NELFB: variants seen among roughly 807,000 people sequenced by gnomAD.
The protein encoded by NELFB is negative elongation factor complex member B, also known as negative elongation factor B.
NELFB carries 34 observed loss-of-function variants against 60.2 expected under a neutral mutation model. The ratio of observed to expected loss-of-function variants is 0.56; its 90% CI spans 0.43 to 0.75. NELFB has a LOEUF of 0.75. NELFB is among the 30% of genes least tolerant of loss of function. NELFB has a pLI of 0.00. For missense variants in NELFB, 770 were observed against 831.6 expected, an observed-to-expected ratio of 0.93 and a Z score of 0.91; for synonymous variants, 459 against 382.1, an observed-to-expected ratio of 1.20 and a Z score of -2.35.
chr9:137,262,028 G>T (rs1830454283), intron 4 of NELFB, among the ~76,000 whole-genome samples: 1 of 152,130 alleles, frequency 6.6e-6, no homozygotes, highest in South Asian at 2.1e-4. Flanking sequence ...CGTTATTTCT[G>T]CGTATCAGAG....
intron 6 of NELFB, 28 bp from the exon 7 acceptor site, chr9:137,265,849 C>T (rs1393138747): frequency 1.3e-6 from 2 of 1,494,228 alleles, no homozygotes; most frequent in African/African-American, 1.4e-5. Flanking sequence ...ACAGGCGTCG[C>T]ATTAATGCCA....
intron 4 of NELFB, among the ~76,000 whole-genome samples, chr9:137,259,338 C>T (rs1001123383): frequency 4.6e-5 from 7 of 152,248 alleles, no homozygotes; most frequent in Non-Finnish European, 5.9e-5. Context: ...GGGTTCCCTT[C>T]GGGCCGTGGT....
rs1256346615 is a variant in NELFB, at chr9:137,255,410, C to T, written c.45C>T (p.Pro15=). Reference sequence around the variant, plus strand: ...CCGGGGAGCGGGGCTCGGGCGGTCCCCGAGGCCCGGCGGAGCGGGCTTCTG... The same window carrying T: ...CCGGGGAGCGGGGCTCGGGCGGTCCTCGAGGCCCGGCGGAGCGGGCTTCTG... The change falls in exon 1 of 13, where the codon CCC becomes CCT. Residue 15 remains proline, a synonymous_variant. Coordinates refer to ENST00000343053, the MANE Select transcript of NELFB (RefSeq NM_015456.5). 1.1e-5 allele frequency: 12 copies of T among 1,072,822 alleles called. No homozygotes were observed. Among genetic ancestry groups the T allele is most frequent in the South Asian group, 2.5e-5 (1 of 40,450 alleles). 66.5% of individuals were successfully genotyped at this position (1,072,822 alleles called of 1,614,324 possible).
In NELFB at chr9:137,257,088, CT is replaced by C. The variant is rs765823017; in HGVS notation, c.741+35del. The C allele has an allele frequency of 1.9e-6, 3 of 1,579,654 alleles. No homozygotes were observed. In the South Asian group the frequency reaches 3.3e-5, roughly 18 times the overall value. On this transcript the variant is annotated intron_variant, in intron 4 of 12. Coordinates refer to ENST00000343053, the MANE Select transcript of NELFB (RefSeq NM_015456.5). ...ACAGGCCGTGTGCGGGGTGGGGCAC[CT>C]CTTGGGGATGCCACGGCTAGCGCCT...
In NELFB at chr9:137,256,806, G is replaced by T; in HGVS notation, c.511-18G>T. 1.2e-6 allele frequency: 2 copies of T among 1,611,600 alleles called. No homozygotes were observed. Among genetic ancestry groups the T allele is most frequent in the Non-Finnish European group, 1.7e-6 (2 of 1,178,106 alleles). On this transcript the variant is annotated intron_variant, in intron 3 of 12. Coordinates refer to ENST00000343053, the MANE Select transcript of NELFB (RefSeq NM_015456.5). ...GGGACACAGGTGCCACTCACAGGCA[G>T]CCTGTGGTGTCATGTAGGTTCCGGA... is the stretch of plus-strand genomic sequence containing the variant.
At position 137,260,365 on chromosome 9, in the gene NELFB, T is replaced by G. The variant is rs549232537; in HGVS notation, c.742-2672T>G. ...GAGACCGGCTATTTTATTTTATTAT[T>G]TTTTTTAATTTTTAAAATTTATTTT... On this transcript the variant is annotated intron_variant, in intron 4 of 12. Coordinates refer to ENST00000343053, the MANE Select transcript of NELFB (RefSeq NM_015456.5). 2.3e-3 allele frequency among the ~76,000 whole-genome samples: 345 copies of G among 150,644 alleles called. 2 individuals carry two copies. Among genetic ancestry groups the G allele is most frequent in the African/African-American group, 7.8e-3 (324 of 41,466 alleles).
At chr9:137,261,333 C>T (rs1413811051) in intron 4 of NELFB, among the ~76,000 whole-genome samples, 13 of 112,738 alleles carry the variant, frequency 1.2e-4, no homozygotes, top group East Asian at 4.9e-4. Flanking sequence ...GAGCACGACT[C>T]GGTTTCAAAA....
chr9:137,256,245 G>A, intron 2 of NELFB, 84 bp from the exon 3 acceptor site: 2 of 1,431,994 alleles, frequency 1.4e-6, no homozygotes, highest in Non-Finnish European at 2.0e-6. Context: ...GCTTGTCCTG[G>A]TAGCTGTTAT....
chr9:137,270,460 C>T (rs1438294761), intron 10 of NELFB, among the ~76,000 whole-genome samples: 1 of 149,134 alleles, frequency 6.7e-6, no homozygotes, highest in East Asian at 2.0e-4. Flanking sequence ...GTGTGTGACG[C>T]ATGCCTGTAG....
rs756900212 is a variant in NELFB, at chr9:137,265,959, G to A, written c.1123G>A (p.Gly375Ser). ...AGTCAGGCACCTGCAGGAGCTGGTC[G>A]GCCAGGAGACACTGCCCAGGGTGAG... is the stretch of plus-strand genomic sequence containing the variant. The change falls in exon 7 of 13, where the codon GGC becomes AGC. Residue 375 changes from glycine (G) to serine (S), a missense_variant. Gly to Ser is a moderately conservative substitution (Grantham distance 56). Coordinates refer to ENST00000343053, the MANE Select transcript of NELFB (RefSeq NM_015456.5). 111 of 1,612,584 alleles carry A rather than the reference G, an allele frequency of 6.9e-5. No homozygotes were observed. Among genetic ancestry groups the A allele is most frequent in the Middle Eastern group, 3.4e-4 (2 of 5,964 alleles).
Position 137,255,603 on chromosome 9 carries a change from C to T in NELFB, c.238C>T (p.Gln80Ter). 4 of 1,548,882 alleles carry T rather than the reference C, an allele frequency of 2.6e-6. No individual in the cohort carries two copies. The highest frequency in any genetic ancestry group is 3.5e-6 in the Non-Finnish European group (4 of 1,146,574). ...CACGGAGCCGCTCAAGGCCATCGAG[C>T]AGTTCCAGGTGGGGCGGCCCCCGGG... Residue 80 changes from glutamine to a stop codon, truncating the protein, a stop_gained, in exon 1 of 13, where the codon CAG becomes TAG. Transcript: ENST00000343053. LOFTEE classifies it high-confidence loss of function.
intron 10 of NELFB, among the ~76,000 whole-genome samples, chr9:137,270,449 C>CGT (rs941500337): frequency 6.7e-6 from 1 of 148,168 alleles, no homozygotes; most frequent in African/African-American, 2.5e-5. Context: ...AAATTAGCCG[C>CGT]GTGTGTGACG....
chr9:137,255,784 C>T lies in NELFB; in HGVS notation c.247-123C>T, dbSNP rs572974256. ...CTTTGCTGGACGGCTGGGTGGCTTT[C>T]GGTGGCTGCGGTTACCGCCAGCACG... On this transcript the variant is annotated intron_variant, in intron 1 of 12. Transcript: ENST00000343053. 9.2e-6 allele frequency: 14 copies of T among 1,520,870 alleles called. No homozygotes were observed. In the African/African-American group the frequency reaches 1.5e-4, roughly 16 times the overall value. The allele number at this position is 1,520,870 out of a possible 1,614,324, so 94.2% of individuals were successfully genotyped here.
chr9:137,255,631 G>T lies in NELFB; in HGVS notation c.246+20G>T, dbSNP rs1325716677. 16 of 1,538,514 alleles carry T rather than the reference G, an allele frequency of 1.0e-5. No individual in the cohort carries two copies. The highest frequency in any genetic ancestry group is 4.9e-5 in the East Asian group (2 of 40,692). On this transcript the variant is annotated intron_variant, in intron 1 of 12. Transcript: ENST00000343053. The stretch of plus-strand genomic sequence containing the variant: ...TTCCAGGTGGGGCGGCCCCCGGGGC[G>T]GGGGGAGCCCAGTTGGAGGGCCGGG...
At chr9:137,257,181 G>GAA in intron 4 of NELFB, 127 bp downstream of exon 4, 1 of 796,508 alleles carries the variant, frequency 1.3e-6, no homozygotes, top group Middle Eastern at 3.3e-4. Flanking sequence ...TCTTGGCTGG[G>GAA]TGGTGGGGGA....
Position 137,272,880 on chromosome 9 carries a change from G to T in NELFB, c.1839G>T (p.Pro613=). ...GCCCGGCACAGGCTGCGGAGACGCC[G>T]GCCCTGGAGCTGCCCCTCCCCAGCG... The change falls in exon 13 of 13, where the codon CCG becomes CCT. Residue 613 remains proline (P), a synonymous_variant. Coordinates refer to ENST00000343053, the MANE Select transcript of NELFB (RefSeq NM_015456.5). 6.5e-7 allele frequency: 1 copy of T among 1,547,608 alleles called. No homozygotes were observed. The highest frequency in any genetic ancestry group is 8.7e-7 in the Non-Finnish European group (1 of 1,145,528).
intron 6 of NELFB, 43 bp downstream of exon 6, chr9:137,264,400 C>A: frequency 1.4e-6 from 2 of 1,418,652 alleles, no homozygotes; most frequent in Non-Finnish European, 1.9e-6. Context: ...CAGGGCCCTG[C>A]GTGCATCCGG....
intron 5 of NELFB, 34 bp downstream of exon 5, chr9:137,263,256 C>G: frequency 6.4e-7 from 1 of 1,574,772 alleles, no homozygotes. Context: ...CCCCTACCCT[C>G]CTGAAGGTAG....
chr9:137,270,361 C>T (rs909257764), intron 10 of NELFB, among the ~76,000 whole-genome samples: 4 of 150,918 alleles, frequency 2.7e-5, no homozygotes, highest in South Asian at 2.1e-4. Context: ...GAGGCCAAGG[C>T]GGGTGGATCA....
Sources: gnomAD v4.1 joint callset for allele counts (sites outside exome capture counted in the v4.1 genomes callset) on GRCh38, gnomAD v4.1.1 for gene constraint, MANE v1.5 for transcripts, NCBI Gene and HGNC (gene_info 2026-07-23, HGNC 2026-07-21) for gene names.